KCNH8: variants seen among roughly 807,000 people sequenced by gnomAD.
KCNH8 encodes the protein voltage-gated delayed rectifier potassium channel KCNH8.
KCNH8 carries 70 observed loss-of-function variants against 103.6 expected under a neutral mutation model. The observed-to-expected ratio is 0.68, with a 90% CI of 0.56 to 0.82. The LOEUF (loss-of-function observed/expected upper bound fraction) is 0.82, where lower values mean the gene tolerates loss of function less well. Among genes scored for constraint, KCNH8 ranks in the 40% least tolerant of loss-of-function variants. The probability of loss-of-function intolerance (pLI) is 0.00; values close to 1 mark genes in which losing one functional copy is unlikely to be tolerated. For synonymous variants in KCNH8, 498 were observed against 489.4 expected (o/e 1.02, Z -0.23); for missense variants, 1,217 against 1,329.9 (o/e 0.92, Z 1.32).
intron 1 of KCNH8, among the ~76,000 whole-genome samples, chr3:19,192,501 A>G (rs2063562844): frequency 6.6e-6 from 1 of 151,580 alleles, no homozygotes; most frequent in Non-Finnish European, 1.5e-5. Context: ...TTGAATTTTG[A>G]TATTAGTCTA....
At chr3:19,168,182 T>G (rs2063304697) in intron 1 of KCNH8, among the ~76,000 whole-genome samples, 1 of 151,766 alleles carries the variant, frequency 6.6e-6, no homozygotes, top group Non-Finnish European at 1.5e-5. Context: ...GCTAACTTTT[T>G]TGTTTGTTTG....
At chr3:19,209,340 A>T (rs1365373046) in intron 1 of KCNH8, among the ~76,000 whole-genome samples, 1 of 152,072 alleles carries the variant, frequency 6.6e-6, no homozygotes, top group South Asian at 2.1e-4. Flanking sequence ...TGCTTTTCTC[A>T]TGTAGGAAAA....
At chr3:19,308,787 CCTCTCTCTCTCTCCCTTTCTCCCTCT>C (rs2065172807) in intron 3 of KCNH8, among the ~76,000 whole-genome samples, 2 of 36,884 alleles carry the variant, frequency 5.4e-5, no homozygotes, top group Non-Finnish European at 4.8e-5. Flanking sequence ...TCTCTCTCTC[CCTCTCTCTCTCTCCCTTTCTCCCTCT>C]CTCTCTCTCT....
At chr3:19,491,552 G>T (rs2068321858) in intron 11 of KCNH8, among the ~76,000 whole-genome samples, 1 of 152,088 alleles carries the variant, frequency 6.6e-6, no homozygotes, top group Non-Finnish European at 1.5e-5. Flanking sequence ...TATCACTGTG[G>T]TGGATATGTA....
rs114900251 is a variant in KCNH8, at chr3:19,425,321, T to C, written c.1178-12843T>C. On this transcript the variant is annotated intron_variant, in intron 7 of 15. Coordinates refer to ENST00000328405, the MANE Select transcript of KCNH8 (RefSeq NM_144633.3). ...AGTACAGTTTGAATATTTTCCTCCTTCTTTAAACTCTTTCTGGTTGCTCCA... is the reference window on the plus strand; with the variant it reads ...AGTACAGTTTGAATATTTTCCTCCTCCTTTAAACTCTTTCTGGTTGCTCCA... Among the ~76,000 whole-genome samples the C allele has an allele frequency of 7.2e-3, 1,096 of 152,318 alleles. 12 individuals carry two copies. Among genetic ancestry groups the C allele is most frequent in the African/African-American group, 0.025 (1,051 of 41,584 alleles).
intron 8 of KCNH8, among the ~76,000 whole-genome samples, chr3:19,443,825 A>G (rs1559330352): frequency 6.6e-6 from 1 of 152,248 alleles, no homozygotes; most frequent in Non-Finnish European, 1.5e-5. Flanking sequence ...ATATGTATGA[A>G]TAATTATAAC....
chr3:19,309,812 G>A (rs867045551), intron 3 of KCNH8, among the ~76,000 whole-genome samples: 3 of 151,890 alleles, frequency 2.0e-5, no homozygotes, highest in South Asian at 2.1e-4. Context: ...ACCACTTAAC[G>A]TAATAGTTGA....
chr3:19,409,800 G>A (rs2066749036), intron 7 of KCNH8, among the ~76,000 whole-genome samples: 1 of 151,884 alleles, frequency 6.6e-6, no homozygotes, highest in Non-Finnish European at 1.5e-5. Context: ...ATGATAAATT[G>A]TTCAAGCAAC....
intron 7 of KCNH8, among the ~76,000 whole-genome samples, chr3:19,431,632 T>C (rs1186522258): frequency 2.6e-5 from 4 of 152,062 alleles, no homozygotes; most frequent in African/African-American, 9.7e-5. Context: ...TTTGTTTTGT[T>C]TTGTTTTTTG....
chr3:19,483,483 G>A (rs891188323), intron 11 of KCNH8, among the ~76,000 whole-genome samples: 5 of 152,128 alleles, frequency 3.3e-5, no homozygotes, highest in East Asian at 1.9e-4. Flanking sequence ...TTTCTGAGCC[G>A]GGAATTCATC....
At chr3:19,478,985 T>G (rs2068031101) in intron 11 of KCNH8, among the ~76,000 whole-genome samples, 1 of 152,184 alleles carries the variant, frequency 6.6e-6, no homozygotes, top group Non-Finnish European at 1.5e-5. Flanking sequence ...AGTTCTTTTG[T>G]GTAAAATTTA....
intron 3 of KCNH8, among the ~76,000 whole-genome samples, chr3:19,292,314 A>T (rs2064939782): frequency 6.6e-6 from 1 of 152,166 alleles, no homozygotes; most frequent in African/African-American, 2.4e-5. Flanking sequence ...TTAGGGGTTG[A>T]TGTGTGAAGC....
At chr3:19,175,499 G>A (rs1237754894) in intron 1 of KCNH8, among the ~76,000 whole-genome samples, 1 of 152,074 alleles carries the variant, frequency 6.6e-6, no homozygotes, top group African/African-American at 2.4e-5. Flanking sequence ...GTGAGCCCCC[G>A]CGCCCGGCCA....
chr3:19,524,083 A>G (rs1418408887), intron 15 of KCNH8, among the ~76,000 whole-genome samples: 3 of 151,882 alleles, frequency 2.0e-5, no homozygotes, highest in Non-Finnish European at 4.4e-5. Flanking sequence ...TACTACTAAT[A>G]TTTCACATAA....
chr3:19,186,287 T>TAAAAAAAAAA (rs201199269), intron 1 of KCNH8, among the ~76,000 whole-genome samples: 3 of 106,402 alleles, frequency 2.8e-5, no homozygotes, highest in Non-Finnish European at 2.2e-5. Context: ...TTAAAAAATG[T>TAAAAAAAAAA]AAAAAAAAAA....
intron 11 of KCNH8, among the ~76,000 whole-genome samples, chr3:19,460,794 G>T (rs767124263): frequency 6.6e-6 from 1 of 152,112 alleles, no homozygotes; most frequent in Non-Finnish European, 1.5e-5. Context: ...TGAATCATGG[G>T]GGCAGTTTCG....
intron 1 of KCNH8, among the ~76,000 whole-genome samples, chr3:19,212,431 T>C (rs79017961): frequency 0.041 from 6,207 of 152,318 alleles, 449 homozygotes; most frequent in African/African-American, 0.14. Flanking sequence ...AGATGGTTGA[T>C]GTCCTCTTTG....
intron 5 of KCNH8, among the ~76,000 whole-genome samples, chr3:19,378,470 A>G (rs1200747935): frequency 2.0e-5 from 3 of 152,200 alleles, no homozygotes; most frequent in Non-Finnish European, 4.4e-5. Context: ...AATTTTTCCC[A>G]TCATTTTGAC....
intron 2 of KCNH8, among the ~76,000 whole-genome samples, chr3:19,280,378 A>G (rs1403012507): frequency 6.6e-6 from 1 of 152,090 alleles, no homozygotes; most frequent in Non-Finnish European, 1.5e-5. Context: ...TCATGTAACA[A>G]AACTTGACCA....
Sources: allele counts gnomAD v4.1 joint callset (sites outside exome capture counted in the v4.1 genomes callset), GRCh38; gene constraint gnomAD v4.1.1; transcripts MANE v1.5; gene names NCBI Gene and HGNC (gene_info 2026-07-23, HGNC 2026-07-21).